GPR158: variants seen among roughly 807,000 people sequenced by gnomAD.
GPR158 encodes the protein metabotropic glycine receptor.
GPR158 carries 30 observed loss-of-function variants against 78.2 expected under a neutral mutation model. The observed-to-expected ratio is 0.38, with a 90% CI of 0.29 to 0.52. The LOEUF is 0.52. GPR158 is among the 20% of genes least tolerant of loss of function. The pLI is 0.83. For missense variants in GPR158, 1,463 were observed against 1,523.5 expected, an observed-to-expected ratio of 0.96 and a Z score of 0.66; for synonymous variants, 581 against 591.1, an observed-to-expected ratio of 0.98 and a Z score of 0.25.
chr10:25,444,142 T>C (rs1835106499), intron 4 of GPR158, among the ~76,000 whole-genome samples: 1 of 152,126 alleles, frequency 6.6e-6, no homozygotes, highest in African/African-American at 2.4e-5. Context: ...TCCTGGTGGT[T>C]GAAAACCACA....
intron 4 of GPR158, among the ~76,000 whole-genome samples, chr10:25,446,611 C>T (rs1043712601): frequency 9.9e-5 from 15 of 152,172 alleles, no homozygotes; most frequent in Admixed American, 3.9e-4. Flanking sequence ...TTTGTGTTAA[C>T]GGCTAGAAGT....
At chr10:25,200,868 G>GTTTTTT (rs56696555) in intron 1 of GPR158, among the ~76,000 whole-genome samples, 192 of 113,188 alleles carry the variant, frequency 1.7e-3, no homozygotes, top group Middle Eastern at 5.3e-3. Context: ...TTTTTGTTTT[G>GTTTTTT]TTTTTTTTTT....
intron 5 of GPR158, 25 bp from the exon 6 acceptor site, chr10:25,550,951 G>T (rs1408226453): frequency 8.5e-7 from 1 of 1,178,936 alleles, no homozygotes; most frequent in Non-Finnish European, 1.3e-6. Flanking sequence ...GATCCTGAAG[G>T]TCTCTTTCTG....
At chr10:25,447,277 C>T (rs143237985) in intron 4 of GPR158, among the ~76,000 whole-genome samples, 17 of 152,118 alleles carry the variant, frequency 1.1e-4, no homozygotes, top group African/African-American at 2.9e-4. Context: ...TTGAAAGAAT[C>T]AGGTTTAAAT....
intron 2 of GPR158, among the ~76,000 whole-genome samples, chr10:25,369,276 C>A (rs201919515): frequency 0.14 from 20,456 of 149,052 alleles, 1,619 homozygotes; most frequent in African/African-American, 0.23. Flanking sequence ...CCAGTTTTTG[C>A]CCATTCAGTA....
intron 5 of GPR158, among the ~76,000 whole-genome samples, chr10:25,528,890 C>T (rs1400216198): frequency 6.6e-6 from 1 of 152,142 alleles, no homozygotes; most frequent in African/African-American, 2.4e-5. Flanking sequence ...GGACTTAATA[C>T]AGTGTTAATT....
intron 2 of GPR158, among the ~76,000 whole-genome samples, chr10:25,312,104 G>A (rs2807250): frequency 0.38 from 57,411 of 151,772 alleles, 13,348 homozygotes; most frequent in Non-Finnish European, 0.53. Context: ...TCAGAAAGTT[G>A]TGGATATTTT....
chr10:25,517,092 T>C (rs1378815878), intron 5 of GPR158, among the ~76,000 whole-genome samples: 4 of 149,578 alleles, frequency 2.7e-5, no homozygotes, highest in African/African-American at 1.0e-4. Context: ...TTCACATCCC[T>C]TGTAAGTTGG....
At chr10:25,470,924 T>C (rs573932443) in intron 5 of GPR158, among the ~76,000 whole-genome samples, 1 of 152,126 alleles carries the variant, frequency 6.6e-6, no homozygotes, top group African/African-American at 2.4e-5. Flanking sequence ...TTTAAAAATG[T>C]CAAATCTAGG....
At chr10:25,500,651 TTC>T (rs993793026) in intron 5 of GPR158, among the ~76,000 whole-genome samples, 4 of 152,250 alleles carry the variant, frequency 2.6e-5, no homozygotes, top group African/African-American at 9.6e-5. Flanking sequence ...TGTTAGATTT[TTC>T]TCTGTTTTCT....
intron 2 of GPR158, among the ~76,000 whole-genome samples, chr10:25,250,688 T>C (rs1853782433): frequency 6.8e-6 from 1 of 147,962 alleles, no homozygotes; most frequent in African/African-American, 2.5e-5. Context: ...TAGTTTGTTA[T>C]AATTTCTGTT....
At chr10:25,422,978 T>C (rs1364579346) in intron 4 of GPR158, among the ~76,000 whole-genome samples, 1 of 151,814 alleles carries the variant, frequency 6.6e-6, no homozygotes, top group Non-Finnish European at 1.5e-5. Context: ...CCTGAGTTAC[T>C]TCACTTACAA....
In GPR158 at chr10:25,338,503, ATATTACG is replaced by A. The variant is rs1855253784; in HGVS notation, c.1009-57404_1009-57398del. On this transcript the variant is annotated intron_variant, in intron 2 of 10. Coordinates refer to ENST00000376351, the MANE Select transcript of GPR158 (RefSeq NM_020752.3). ...TAATATACGTATAATATACGTATAT[ATATTACG>A]TATAATATACGTATATTACGTATAT... 2.3e-5 allele frequency among the ~76,000 whole-genome samples: 3 copies of A among 132,558 alleles called. No individual in the cohort carries two copies. In the East Asian group the frequency reaches 6.2e-4, roughly 27 times the overall value. The allele number at this position is 132,558 out of a possible 152,430, so 87.0% of individuals were successfully genotyped here.
chr10:25,575,293 C>A (rs191362439), intron 7 of GPR158, among the ~76,000 whole-genome samples: 2 of 151,900 alleles, frequency 1.3e-5, no homozygotes, highest in African/African-American at 4.8e-5. Flanking sequence ...TATAATGAAT[C>A]GGTAAATTCA....
At chr10:25,523,259 GA>G (rs1365361813) in intron 5 of GPR158, among the ~76,000 whole-genome samples, 1 of 152,210 alleles carries the variant, frequency 6.6e-6, no homozygotes, top group African/African-American at 2.4e-5. Context: ...GGGGTTGGGA[GA>G]AGGGCTAGAA....
intron 2 of GPR158, among the ~76,000 whole-genome samples, chr10:25,242,930 C>T (rs1228994990): frequency 2.6e-5 from 4 of 152,218 alleles, no homozygotes; most frequent in Non-Finnish European, 4.4e-5. Flanking sequence ...CACTAAAATA[C>T]TCAGTTCCTG....
chr10:25,593,418 T>G (rs1837365920), intron 8 of GPR158, among the ~76,000 whole-genome samples: 1 of 152,082 alleles, frequency 6.6e-6, no homozygotes, highest in Admixed American at 6.5e-5. Context: ...CTTTGCACAT[T>G]TGATGATGTG....
At chr10:25,319,078 C>T (rs1854906107) in intron 2 of GPR158, among the ~76,000 whole-genome samples, 1 of 152,178 alleles carries the variant, frequency 6.6e-6, no homozygotes, top group Admixed American at 6.5e-5. Flanking sequence ...ACTTCTTGCT[C>T]CAAGGGAACT....
chr10:25,378,166 C>A (rs542719308), intron 2 of GPR158, among the ~76,000 whole-genome samples: 3 of 152,186 alleles, frequency 2.0e-5, no homozygotes, highest in Non-Finnish European at 4.4e-5. Flanking sequence ...ACTTGTCTAA[C>A]CAGCATTCAG....
Sources: allele counts gnomAD v4.1 joint callset (sites outside exome capture counted in the v4.1 genomes callset), GRCh38; gene constraint gnomAD v4.1.1; transcripts MANE v1.5; gene names NCBI Gene and HGNC (gene_info 2026-07-23, HGNC 2026-07-21).